Variants in NPTN observed in about 807,000 individuals in gnomAD.
The protein encoded by NPTN is neuroplastin.
A neutral mutation model predicts 42.7 loss-of-function variants in NPTN; 5 were observed. That is an observed-to-expected ratio of 0.12 (90% CI 0.06 to 0.25). The LOEUF (loss-of-function observed/expected upper bound fraction) is 0.25. NPTN is among the 10% of genes least tolerant of loss of function. The probability of loss-of-function intolerance (pLI) is 1.00; values close to 1 mark genes in which losing one functional copy is unlikely to be tolerated. For synonymous variants in NPTN, 180 were observed against 201.9 expected (o/e 0.89, Z 0.92); for missense variants, 307 against 525.4 (o/e 0.58, Z 4.06).
At chr15:73,592,206 G>T in intron 2 of NPTN, 69 bp from the exon 3 acceptor site, 1 of 1,387,432 alleles carries the variant, frequency 7.2e-7, no homozygotes, top group Non-Finnish European at 9.9e-7. Flanking sequence ...CCTGAGAGTT[G>T]GACGGGGTAG....
rs1419193240 is a variant in NPTN, at chr15:73,576,592, G to GTGC, written c.707-2800_707-2798dup. Among the ~76,000 whole-genome samples, 47 of 152,200 alleles carry GTGC rather than the reference G, an allele frequency of 3.1e-4. 1 individual carries two copies. Among genetic ancestry groups the GTGC allele is most frequent in the Non-Finnish European group, 6.6e-4 (45 of 68,042 alleles). ...GATCCACCCGCCTCAGCCTCCCAAA[G>GTGC]TGCTGGGTTTACAGGTGTGAGCCAC... On this transcript the variant is annotated intron_variant, in intron 4 of 8. Transcript: ENST00000345330.
At chr15:73,574,435 G>C (rs1358854770) in intron 4 of NPTN, among the ~76,000 whole-genome samples, 1 of 152,104 alleles carries the variant, frequency 6.6e-6, no homozygotes, top group Non-Finnish European at 1.5e-5. Context: ...TTGAATGACT[G>C]ATTGAGATGG....
chr15:73,594,297 C>G (rs967379080), intron 2 of NPTN, among the ~76,000 whole-genome samples: 1 of 152,196 alleles, frequency 6.6e-6, no homozygotes, highest in Non-Finnish European at 1.5e-5. Context: ...AAATGCTACT[C>G]TTACCTGTGG....
chr15:73,607,215 C>T (rs1014072354), intron 1 of NPTN, among the ~76,000 whole-genome samples: 2 of 152,160 alleles, frequency 1.3e-5, no homozygotes, highest in African/African-American at 2.4e-5. Context: ...TGCTTTAACA[C>T]GTTATCATTT....
chr15:73,588,505 G>A (rs1348306034), intron 3 of NPTN, among the ~76,000 whole-genome samples: 1 of 152,102 alleles, frequency 6.6e-6, no homozygotes, highest in Non-Finnish European at 1.5e-5. Context: ...TAAATCCCAG[G>A]GCCCTACATG....
At chr15:73,563,532 T>C (rs1353028319) in intron 6 of NPTN, 6 of 1,265,486 alleles carry the variant, frequency 4.7e-6, no homozygotes, top group Non-Finnish European at 6.0e-6. Context: ...AGCGGACAGA[T>C]AGGCTGCAAC....
intron 1 of NPTN, among the ~76,000 whole-genome samples, chr15:73,620,790 A>G (rs1408141650): frequency 6.6e-6 from 1 of 152,238 alleles, no homozygotes; most frequent in African/African-American, 2.4e-5. Flanking sequence ...ATCAACAGCA[A>G]CACTGTCTAT....
At chr15:73,589,251 G>C (rs1896473259) in intron 3 of NPTN, among the ~76,000 whole-genome samples, 1 of 152,038 alleles carries the variant, frequency 6.6e-6, no homozygotes, top group Non-Finnish European at 1.5e-5. Context: ...AGGATCACTT[G>C]AACCTGGGAG....
intron 1 of NPTN, among the ~76,000 whole-genome samples, chr15:73,613,086 G>T (rs1241829075): frequency 1.3e-5 from 2 of 152,212 alleles, no homozygotes; most frequent in Non-Finnish European, 2.9e-5. Flanking sequence ...GATGTATTAT[G>T]TAAGATTAAG....
At chr15:73,633,087 T>C in intron 1 of NPTN, 38 bp downstream of exon 1, 2 of 1,329,802 alleles carry the variant, frequency 1.5e-6, no homozygotes, top group Non-Finnish European at 2.0e-6. Context: ...CCGGCGCCCC[T>C]CAACCCCCGC....
intron 6 of NPTN, 47 bp from the exon 7 acceptor site, chr15:73,563,304 A>G (rs539065790): frequency 1.2e-5 from 20 of 1,610,074 alleles, no homozygotes; most frequent in Non-Finnish European, 1.7e-5. Context: ...ATAAGAGAAG[A>G]AAGGAGAAAA....
intron 1 of NPTN, among the ~76,000 whole-genome samples, chr15:73,611,010 T>G (rs907909278): frequency 6.6e-6 from 1 of 152,228 alleles, no homozygotes; most frequent in African/African-American, 2.4e-5. Flanking sequence ...CCGTTACATA[T>G]GGACCATATG....
At chr15:73,580,617 A>ATATATGTATATATGTATATACATGT (rs1895991217) in intron 4 of NPTN, among the ~76,000 whole-genome samples, 2 of 144,012 alleles carry the variant, frequency 1.4e-5, no homozygotes, top group African/African-American at 5.1e-5. Flanking sequence ...TATACATGTT[A>ATATATGTATATATGTATATACATGT]TATATGTATA....
In NPTN at chr15:73,579,272, C is replaced by T. The variant is rs1327446356; in HGVS notation, c.707-5477G>A. 1.2e-4 allele frequency among the ~76,000 whole-genome samples: 14 copies of T among 118,856 alleles called. 1 individual carries two copies. The highest frequency in any genetic ancestry group is 5.5e-4 in the South Asian group (2 of 3,616). The allele number at this position is 118,856 out of a possible 152,430, so 78.0% of individuals were successfully genotyped here. On this transcript the variant is annotated intron_variant, in intron 4 of 8. Transcript: ENST00000345330. Reference sequence around the variant, plus strand: ...CCAGCCTGGGCGACAGAGGGGACTCCGTCTCAAAAAAAAAAAAAAAAATCC... The same window carrying T: ...CCAGCCTGGGCGACAGAGGGGACTCTGTCTCAAAAAAAAAAAAAAAAATCC...
intron 4 of NPTN, among the ~76,000 whole-genome samples, chr15:73,576,100 C>T (rs907152525): frequency 1.6e-4 from 25 of 152,108 alleles, no homozygotes; most frequent in African/African-American, 5.8e-4. Flanking sequence ...CCAAGCACTC[C>T]AAGGAGCAGG....
In NPTN at chr15:73,570,517, A is replaced by G; in HGVS notation, c.841-94T>C. On this transcript the variant is annotated intron_variant, in intron 5 of 8. Transcript: ENST00000345330. This position sits in a 1 kb window ranked among gnomAD's most constrained non-coding sequence, Gnocchi z 4.0. ...CTGCTCTCCGTTCTTTTTAGGCACC[A>G]GCCAGAATGAGGAAGCAGTGTCTAG... 1.8e-6 allele frequency: 2 copies of G among 1,104,310 alleles called. No individual in the cohort carries two copies. The highest frequency in any genetic ancestry group is 6.2e-4 in the Middle Eastern group (2 of 3,214). The allele number at this position is 1,104,310 out of a possible 1,614,324, so 68.4% of individuals were successfully genotyped here. A position where few individuals can be genotyped will look rare whatever the true frequency, so the allele number is the denominator to read the frequency against.
chr15:73,579,051 C>A (rs1405499167), intron 4 of NPTN, among the ~76,000 whole-genome samples: 1 of 147,754 alleles, frequency 6.8e-6, no homozygotes, highest in Non-Finnish European at 1.5e-5. Flanking sequence ...AAGGCTGAGG[C>A]AGGCGGATCA....
At chr15:73,605,045 C>T (rs868353285) in intron 1 of NPTN, among the ~76,000 whole-genome samples, 2 of 148,742 alleles carry the variant, frequency 1.3e-5, no homozygotes, top group Non-Finnish European at 3.0e-5. Context: ...CTGCAGTGAG[C>T]TATGATCATT....
At chr15:73,568,063 A>G in intron 6 of NPTN, 1 of 985,488 alleles carries the variant, frequency 1.0e-6, no homozygotes, top group Non-Finnish European at 1.2e-6. Flanking sequence ...TGTCTCCTAT[A>G]ACAAACTGGT....
Sources: allele counts gnomAD v4.1 joint callset (sites outside exome capture counted in the v4.1 genomes callset), GRCh38; gene constraint gnomAD v4.1.1; non-coding constraint Gnocchi (gnomAD v3.1); transcripts MANE v1.5; gene names NCBI Gene and HGNC (gene_info 2026-07-23, HGNC 2026-07-21).